Variants in MDGA2 observed in about 807,000 individuals in gnomAD.
MDGA2 encodes the protein MAM domain-containing glycosylphosphatidylinositol anchor protein 2.
Under a neutral mutation model 117.8 loss-of-function variants are expected in MDGA2, and 40 were observed. The observed-to-expected ratio is 0.34, with a 90% CI of 0.26 to 0.44. The LOEUF is 0.44. Among genes scored for constraint, MDGA2 ranks in the 20% least tolerant of loss-of-function variants. The probability of loss-of-function intolerance (pLI) is 1.00; values close to 1 mark genes in which losing one functional copy is unlikely to be tolerated. For synonymous variants in MDGA2, 452 were observed against 439.0 expected, an observed-to-expected ratio of 1.03 and a Z score of -0.37; for missense variants, 1,123 against 1,250.6, an observed-to-expected ratio of 0.90 and a Z score of 1.54.
chr14:47,474,696 T>C (rs1189381352), intron 1 of MDGA2, among the ~76,000 whole-genome samples: 1 of 152,034 alleles, frequency 6.6e-6, no homozygotes, highest in Non-Finnish European at 1.5e-5. Context: ...CCTACAACTA[T>C]CTGATCTCCG....
intron 1 of MDGA2, among the ~76,000 whole-genome samples, chr14:47,470,197 C>T (rs555842210): frequency 1.8e-4 from 27 of 151,806 alleles, no homozygotes; most frequent in African/African-American, 5.8e-4. Flanking sequence ...ACACGTGCCA[C>T]GGCGGTTCGC....
chr14:47,273,215 A>C (rs1284993512), intron 2 of MDGA2, among the ~76,000 whole-genome samples: 4 of 152,192 alleles, frequency 2.6e-5, no homozygotes, highest in Non-Finnish European at 5.9e-5. Flanking sequence ...ATAATTTTGA[A>C]CATAAAATCA....
At chr14:47,080,715 T>G (rs1890679200) in intron 6 of MDGA2, among the ~76,000 whole-genome samples, 1 of 152,168 alleles carries the variant, frequency 6.6e-6, no homozygotes, top group Admixed American at 6.5e-5. Context: ...TTCCACCTCT[T>G]TCTAGCCTTT....
At chr14:47,003,147 T>C (rs1887590744) in intron 8 of MDGA2, among the ~76,000 whole-genome samples, 1 of 152,170 alleles carries the variant, frequency 6.6e-6, no homozygotes, top group Admixed American at 6.6e-5. Flanking sequence ...AGAATAACTA[T>C]TTTGAGATTC....
At chr14:47,419,201 A>G (rs1217008225) in intron 1 of MDGA2, among the ~76,000 whole-genome samples, 1 of 152,186 alleles carries the variant, frequency 6.6e-6, no homozygotes, top group African/African-American at 2.4e-5. Context: ...ACCAAGAAGA[A>G]AGGAGGATTA....
At chr14:46,873,994 GT>G in intron 13 of MDGA2, 50 bp downstream of exon 13, 1 of 1,420,804 alleles carries the variant, frequency 7.0e-7, no homozygotes, top group South Asian at 1.5e-5. Flanking sequence ...ATTTATAGCA[GT>G]TTTTAAAAGT....
chr14:47,017,616 A>G lies in MDGA2; in HGVS notation c.1819+17395T>C, dbSNP rs567633004. Among the ~76,000 whole-genome samples, 18 of 65,280 alleles carry G rather than the reference A, an allele frequency of 2.8e-4. No individual in the cohort carries two copies. In the South Asian group the frequency reaches 7.9e-3, roughly 29 times the overall value. 42.8% of individuals were successfully genotyped at this position (65,280 alleles called of 152,430 possible). A position where few individuals can be genotyped will look rare whatever the true frequency, so the allele number is the denominator to read the frequency against. ...GGGGAAAAAATACAAGAAAATATTC[A>G]CATGATTTCTTAAGAAAATTGTTTT... On this transcript the variant is annotated intron_variant, in intron 8 of 16. Coordinates refer to ENST00000399232, the MANE Select transcript of MDGA2 (RefSeq NM_001113498.3).
rs552988305 is a variant in MDGA2 at position 46,933,845 on chromosome 14, T to C, written c.2090-13685A>G. Among the ~76,000 whole-genome samples, 248 of 124,024 alleles carry C rather than the reference T, an allele frequency of 2.0e-3. 7 individuals carry two copies. The highest frequency in any genetic ancestry group is 3.6e-3 in the Non-Finnish European group (208 of 57,600). The allele number at this position is 124,024 out of a possible 152,430, so 81.4% of individuals were successfully genotyped here. ...ATATATATATATATATATATATATATATATATACTTTTCTTGGACAATATA... is the reference window on the plus strand; with the variant it reads ...ATATATATATATATATATATATATACATATATACTTTTCTTGGACAATATA... On this transcript the variant is annotated intron_variant, in intron 9 of 16. Transcript: ENST00000399232.
intron 1 of MDGA2, among the ~76,000 whole-genome samples, chr14:47,344,897 G>A (rs1242798055): frequency 6.6e-6 from 1 of 150,974 alleles, no homozygotes; most frequent in Non-Finnish European, 1.5e-5. Flanking sequence ...GTGTGTTTAT[G>A]ACATACACAA....
intron 1 of MDGA2, among the ~76,000 whole-genome samples, chr14:47,568,650 A>AT: frequency 6.6e-6 from 1 of 152,320 alleles, no homozygotes; most frequent in South Asian, 2.1e-4. Context: ...TATTTAAATA[A>AT]TTTCTGTTAA....
Position 47,462,375 on chromosome 14 carries a change from C to CAAAAA in MDGA2, c.281-160830_281-160826dup, listed in dbSNP as rs373508880. On this transcript the variant is annotated intron_variant, in intron 1 of 16. Transcript: ENST00000399232. ...TGGGCGACAGAGAGAGACTCCGTCC[C>CAAAAA]AAAAAAAAAAAAAAAAAGAAAGAAA... is the stretch of plus-strand genomic sequence containing the variant. Among the ~76,000 whole-genome samples, 5 of 96,056 alleles carry CAAAAA rather than the reference C, an allele frequency of 5.2e-5. 1 individual carries two copies. The highest frequency in any genetic ancestry group is 8.5e-5 in the Non-Finnish European group (4 of 46,830). The allele number at this position is 96,056 out of a possible 152,430, so 63.0% of individuals were successfully genotyped here.
chr14:47,426,081 T>C (rs1892683121), intron 1 of MDGA2, among the ~76,000 whole-genome samples: 1 of 152,104 alleles, frequency 6.6e-6, no homozygotes, highest in South Asian at 2.1e-4. Flanking sequence ...ACTGATTGTT[T>C]ATTTTGTAGA....
chr14:47,084,394 C>T (rs1362289436), intron 6 of MDGA2, among the ~76,000 whole-genome samples: 2 of 151,494 alleles, frequency 1.3e-5, no homozygotes, highest in Non-Finnish European at 2.9e-5. Flanking sequence ...TAAAGAAGTG[C>T]TGAGAGGGAA....
intron 1 of MDGA2, among the ~76,000 whole-genome samples, chr14:47,346,905 A>C (rs769655238): frequency 4.6e-5 from 7 of 152,216 alleles, no homozygotes; most frequent in Non-Finnish European, 8.8e-5. Flanking sequence ...TGAAGTATAC[A>C]GAGTGGGAAC....
intron 2 of MDGA2, among the ~76,000 whole-genome samples, chr14:47,271,951 C>A (rs1176862582): frequency 6.6e-6 from 1 of 151,962 alleles, no homozygotes; most frequent in Non-Finnish European, 1.5e-5. Context: ...TTGTGTACAC[C>A]CCAGTTTTGA....
chr14:46,979,407 C>A (rs1458835196), intron 8 of MDGA2, among the ~76,000 whole-genome samples: 2 of 152,138 alleles, frequency 1.3e-5, no homozygotes, highest in African/African-American at 4.8e-5. Context: ...AGTTACACAT[C>A]TCTCACTTTA....
intron 1 of MDGA2, among the ~76,000 whole-genome samples, chr14:47,599,032 C>T (rs949507185): frequency 6.6e-6 from 1 of 151,904 alleles, no homozygotes; most frequent in African/African-American, 2.4e-5. Context: ...GTTCAAATTA[C>T]GAATCTCGTG....
chr14:47,599,537 T>TGG (rs1480372971), intron 1 of MDGA2, among the ~76,000 whole-genome samples: 1 of 152,106 alleles, frequency 6.6e-6, no homozygotes, highest in East Asian at 1.9e-4. Context: ...ATGAATTTGA[T>TGG]CCCATACCAA....
At chr14:47,190,426 T>C (rs1010990566) in intron 3 of MDGA2, among the ~76,000 whole-genome samples, 2 of 152,218 alleles carry the variant, frequency 1.3e-5, no homozygotes, top group Non-Finnish European at 2.9e-5. Context: ...CTTCAAGGTA[T>C]GTGTCCTTTG....
Sources: allele counts gnomAD v4.1 joint callset (sites outside exome capture counted in the v4.1 genomes callset), GRCh38; gene constraint gnomAD v4.1.1; transcripts MANE v1.5; gene names NCBI Gene and HGNC (gene_info 2026-07-23, HGNC 2026-07-21).